The following XRN1 variants were observed in gnomAD, a reference collection of about 807,000 sequenced individuals.
The protein encoded by XRN1 is 5'-3' exoribonuclease 1.
Under a neutral mutation model 222.3 loss-of-function variants are expected in XRN1, and 67 were observed. The ratio of observed to expected loss-of-function variants is 0.30; its 90% confidence interval spans 0.25 to 0.37. XRN1 has a LOEUF of 0.37. XRN1 is among the 10% of genes least tolerant of loss of function. XRN1 has a pLI of 1.00. For missense variants in XRN1, 1,707 were observed against 2,000.2 expected (o/e 0.85, Z 2.80); for synonymous variants, 643 against 652.4 (o/e 0.99, Z 0.22).
intron 10 of XRN1, among the ~76,000 whole-genome samples, chr3:142,419,535 C>T (rs2068919372): frequency 6.6e-6 from 1 of 152,082 alleles, no homozygotes; most frequent in South Asian, 2.1e-4. Context: ...CTTGGCCGGG[C>T]ACGGTGGCTC....
intron 33 of XRN1, among the ~76,000 whole-genome samples, chr3:142,344,287 C>T (rs879289973): frequency 3.9e-5 from 6 of 152,002 alleles, no homozygotes; most frequent in Non-Finnish European, 7.4e-5. Context: ...CCCTATTTAC[C>T]CTGATGTGAT....
rs767235180 is a variant in XRN1, at chr3:142,380,148, A to G, written c.2649T>C (p.Gly883=). 6 of 1,613,968 alleles carry G rather than the reference A, an allele frequency of 3.7e-6. No homozygotes were observed. The Admixed American group carries it at 6.7e-5, about 18-fold the overall frequency. Residue 883 remains glycine (G), a synonymous_variant, in exon 23 of 41, where the codon GGT becomes GGC. Transcript: ENST00000392981. Reference sequence around the variant, plus strand: ...GAATGCTGAAAATCACACGAATCCTACCTTCTGTAATCACATCACCTGAAT... The same window carrying G: ...GAATGCTGAAAATCACACGAATCCTGCCTTCTGTAATCACATCACCTGAAT... The part of the protein sequence containing the change: ...VQDSGDVITE[G]RIRVIFSIPC...
Position 142,365,093 on chromosome 3 carries a change from G to A in XRN1, c.3348C>T (p.Phe1116=), listed in dbSNP as rs1394869625. The change falls in exon 29 of 41, where the codon TTC becomes TTT. Residue 1116 remains phenylalanine (F), a synonymous_variant. Coordinates refer to ENST00000392981, the MANE Select transcript of XRN1 (RefSeq NM_001282857.2). ...FDRVVNVREN[F]SVPVGLRGTI... ...TGCCTCGAAGGCCAACTGGAACTGA[G>A]AAGTTTTCTCTCACATTTACAACAC... The A allele has an allele frequency of 1.2e-6, 2 of 1,613,336 alleles. No homozygotes were observed. Among genetic ancestry groups the A allele is most frequent in the Admixed American group, 1.7e-5 (1 of 59,954 alleles).
At chr3:142,411,007 A>C (rs375508037) in intron 15 of XRN1, among the ~76,000 whole-genome samples, 7 of 152,326 alleles carry the variant, frequency 4.6e-5, no homozygotes, top group Admixed American at 2.0e-4. Context: ...AAGTGAAGAC[A>C]TCTGGGCCTA....
intron 29 of XRN1, among the ~76,000 whole-genome samples, chr3:142,361,875 T>C (rs1203373451): frequency 6.7e-6 from 1 of 148,314 alleles, no homozygotes; most frequent in Non-Finnish European, 1.5e-5. Context: ...ATTTCTGTAA[T>C]GGTGTCTTTT....
chr3:142,426,883 A>G, intron 2 of XRN1, 42 bp from the exon 3 acceptor site: 3 of 1,538,726 alleles, frequency 1.9e-6, no homozygotes, highest in Non-Finnish European at 2.7e-6. Flanking sequence ...TTTTCTGAAA[A>G]AAAGTGAAGA....
intron 2 of XRN1, among the ~76,000 whole-genome samples, chr3:142,428,902 G>A (rs1023645039): frequency 1.3e-5 from 2 of 152,130 alleles, no homozygotes; most frequent in African/African-American, 4.8e-5. Flanking sequence ...CAGAGACATA[G>A]TAATCAAAGC....
intron 20 of XRN1, among the ~76,000 whole-genome samples, chr3:142,388,445 T>C (rs952018491): frequency 1.3e-5 from 2 of 152,164 alleles, no homozygotes; most frequent in Non-Finnish European, 2.9e-5. Flanking sequence ...AAAAGTTGTA[T>C]GTGCATTTTT....
intron 2 of XRN1, among the ~76,000 whole-genome samples, chr3:142,431,889 TATA>T (rs1559879538): frequency 1.0e-4 from 4 of 38,432 alleles, no homozygotes; most frequent in African/African-American, 4.4e-4. Context: ...ATATATTATA[TATA>T]ATATATATAT....
intron 13 of XRN1, among the ~76,000 whole-genome samples, chr3:142,416,339 T>A (rs1191863938): frequency 6.6e-6 from 1 of 152,050 alleles, no homozygotes; most frequent in African/African-American, 2.4e-5. Context: ...CACACCACCA[T>A]GCCCAGCTAA....
At chr3:142,404,093 A>AAAG (rs1444250503) in intron 16 of XRN1, 104 bp from the exon 17 acceptor site, 3 of 1,000,752 alleles carry the variant, frequency 3.0e-6, no homozygotes, top group East Asian at 5.2e-5. Context: ...CCTTGCTTTT[A>AAAG]AAGAAGAGAA....
At position 142,329,477 on chromosome 3, in the gene XRN1, A is replaced by G; in HGVS notation, c.4361T>C (p.Val1454Ala). 1 of 1,596,056 alleles carries G rather than the reference A, an allele frequency of 6.3e-7. No individual in the cohort carries two copies. Among genetic ancestry groups the G allele is most frequent in the South Asian group, 1.1e-5 (1 of 87,204 alleles). ...GGAGAAATCAGGTTGTGGCATTCCAACAAGGGAACAAATTCGAGAAAGTTC... is the reference window on the plus strand; with the variant it reads ...GGAGAAATCAGGTTGTGGCATTCCAGCAAGGGAACAAATTCGAGAAAGTTC... ...VTELSRICSL[V>A]GMPQPDFSFL... The change falls in exon 37 of 41, where the codon GTT becomes GCT. Residue 1454 changes from valine (V) to alanine (A), a missense_variant. Val to Ala is a moderately conservative substitution (Grantham distance 64). This residue lies in a region of XRN1 where 473 missense variants were observed against 482.0 expected (regional missense o/e 0.98). Coordinates refer to ENST00000392981, the MANE Select transcript of XRN1 (RefSeq NM_001282857.2).
intron 37 of XRN1, among the ~76,000 whole-genome samples, chr3:142,321,451 T>C (rs942119640): frequency 6.6e-6 from 1 of 152,174 alleles, no homozygotes. Flanking sequence ...TCTTGACAAC[T>C]TGTCAAAAAA....
intron 1 of XRN1, among the ~76,000 whole-genome samples, chr3:142,443,245 G>A (rs1289376441): frequency 2.6e-5 from 4 of 152,052 alleles, no homozygotes; most frequent in Non-Finnish European, 5.9e-5. Flanking sequence ...CCCCTACTAC[G>A]TGCCAATTCA....
In XRN1 at chr3:142,375,927, T is replaced by G. The variant is rs150486749; in HGVS notation, c.2849A>C (p.Lys950Thr). The change falls in exon 25 of 41, where the codon AAA (lysine) becomes ACA (threonine). Residue 950 changes from lysine to threonine, a missense_variant. This residue lies in a region of XRN1 where 1,234 missense variants were observed against 1,518.2 expected (regional missense o/e 0.81). Transcript: ENST00000392981. ...TTTGAGATTTAAACCCACATTTGCT[T>G]TATGGTCTCCATGAGGGCTGAATTT... ...GSRRNPHGDH[K>T]ANVGLNLKFN... is the part of the protein sequence containing the mutation. 42 of 1,613,478 alleles carry G rather than the reference T, an allele frequency of 2.6e-5. No homozygotes were observed. The highest frequency in any genetic ancestry group is 3.4e-5 in the Non-Finnish European group (40 of 1,179,812).
chr3:142,412,153 T>C (rs1197714197), intron 15 of XRN1, among the ~76,000 whole-genome samples: 1 of 152,206 alleles, frequency 6.6e-6, no homozygotes, highest in Non-Finnish European at 1.5e-5. Context: ...CCTCTTGTGT[T>C]ATTAATTCTT....
chr3:142,311,392 A>C lies in XRN1; in HGVS notation c.*119T>G. ...GCCTGATAACTTAAAAATGAAAAAAATTTCAATTTACACATATTATTTTAA... is the reference window on the plus strand; with the variant it reads ...GCCTGATAACTTAAAAATGAAAAAACTTTCAATTTACACATATTATTTTAA... On this transcript the variant is annotated 3_prime_UTR_variant, in exon 41 of 41. Transcript: ENST00000392981. 1.0e-6 allele frequency: 1 copy of C among 983,058 alleles called. No homozygotes were observed. The highest frequency in any genetic ancestry group is 2.4e-5 in the South Asian group (1 of 42,016). The allele number at this position is 983,058 out of a possible 1,614,324, so 60.9% of individuals were successfully genotyped here.
intron 33 of XRN1, among the ~76,000 whole-genome samples, chr3:142,337,310 A>G (rs2065878329): frequency 6.6e-6 from 1 of 152,014 alleles, no homozygotes; most frequent in African/African-American, 2.4e-5. Flanking sequence ...TCATCATAGC[A>G]CTTATTATTA....
chr3:142,399,166 T>A (rs1400588746), intron 19 of XRN1, among the ~76,000 whole-genome samples: 1 of 151,572 alleles, frequency 6.6e-6, no homozygotes, highest in Admixed American at 6.6e-5. Context: ...CCTCCAAGAT[T>A]TTTTGGAGAT....
Sources: gnomAD v4.1 joint callset for allele counts (sites outside exome capture counted in the v4.1 genomes callset) on GRCh38, gnomAD v4.1.1 for gene constraint, gnomAD v4.1.1 regional missense constraint, MANE v1.5 for transcripts, NCBI Gene and HGNC (gene_info 2026-07-23, HGNC 2026-07-21) for gene names.